The following SLC34A1 variants were observed in gnomAD, a reference collection of about 807,000 sequenced individuals.
The protein encoded by SLC34A1 is solute carrier family 34 member 1, also known as sodium-dependent phosphate transport protein 2A.
Under a neutral mutation model 51.4 loss-of-function variants are expected in SLC34A1, and 57 were observed. That is an observed-to-expected ratio of 1.11 (90% confidence interval 0.90 to 1.38). SLC34A1 has a LOEUF of 1.38. SLC34A1 is among the 40% of genes most tolerant of loss of function. SLC34A1 has a pLI of 0.00. For synonymous variants in SLC34A1, 368 were observed against 358.0 expected (o/e 1.03, Z -0.32); for missense variants, 796 against 835.6 (o/e 0.95, Z 0.58).
rs1330185739 is a variant in SLC34A1, at chr5:177,388,012, G to A, written c.663G>A (p.Thr221=). Residue 221 remains threonine, a synonymous_variant, in exon 7 of 13, where the codon ACG becomes ACA. Coordinates refer to ENST00000324417, the MANE Select transcript of SLC34A1 (RefSeq NM_003052.5). The surrounding 1 kb of genome is among the most constrained non-coding windows in gnomAD (Gnocchi z 4.3). The part of the protein sequence containing the change: ...TDFRRAFAGA[T]VHDCFNWLSV... ...TGCCCAGGGCCTTCGCGGGGGCCAC[G>A]GTGCATGACTGCTTTAACTGGCTGT... 1.1e-5 allele frequency: 17 copies of A among 1,613,022 alleles called. No individual in the cohort carries two copies. The highest frequency in any genetic ancestry group is 4.5e-5 in the East Asian group (2 of 44,856).
In SLC34A1 at chr5:177,394,114, T is replaced by C. The variant is rs753668904; in HGVS notation, c.1093T>C (p.Cys365Arg). 3.7e-6 allele frequency: 6 copies of C among 1,613,862 alleles called. No homozygotes were observed. The African/African-American group carries it at 6.7e-5, about 18-fold the overall frequency. The change falls in exon 10 of 13, where the codon TGC becomes CGC. Residue 365 changes from cysteine (C) to arginine (R), a missense_variant. Cys to Arg is a radical substitution (Grantham distance 180, BLOSUM62 -3). Coordinates refer to ENST00000324417, the MANE Select transcript of SLC34A1 (RefSeq NM_003052.5). ...AGGATCCCTGGTGCTGCTGTGCACCTGCCTCATCCTCCTAGTCAAGATGCT... is the reference window on the plus strand; with the variant it reads ...AGGATCCCTGGTGCTGCTGTGCACCCGCCTCATCCTCCTAGTCAAGATGCT... Reference protein sequence around the residue: ...LAGSLVLLCTCLILLVKMLNS... With the variant: ...LAGSLVLLCTRLILLVKMLNS...
At chr5:177,392,369 G>A (rs574921126) in intron 8 of SLC34A1, among the ~76,000 whole-genome samples, 4 of 152,220 alleles carry the variant, frequency 2.6e-5, no homozygotes, top group African/African-American at 4.8e-5. Flanking sequence ...AGGTGGAAGC[G>A]GGAGAATCGC....
intron 6 of SLC34A1, 49 bp from the exon 7 acceptor site, chr5:177,387,945 G>T (rs369248318): frequency 4.1e-5 from 66 of 1,610,724 alleles, no homozygotes; most frequent in African/African-American, 3.7e-4. Flanking sequence ...CCCCAGGCGT[G>T]ACTGTGCACT....
chr5:177,394,688 CTTTTTTTT>C (rs34736156), intron 10 of SLC34A1, among the ~76,000 whole-genome samples: 225 of 105,094 alleles, frequency 2.1e-3, no homozygotes, highest in African/African-American at 8.4e-3. Context: ...GAGACTTTGT[CTTTTTTTT>C]TTTTTTTTTT....
At chr5:177,385,928 G>T in intron 2 of SLC34A1, 59 bp from the exon 3 acceptor site, 2 of 1,610,166 alleles carry the variant, frequency 1.2e-6, no homozygotes, top group South Asian at 2.2e-5. Context: ...TCCCCCGCCT[G>T]TTCCTCCCCG....
intron 12 of SLC34A1, chr5:177,397,512 T>A: frequency 1.8e-6 from 1 of 570,238 alleles, no homozygotes. Context: ...TGGCAGTATC[T>A]GCTGGGGGAT....
Position 177,388,882 on chromosome 5 carries a change from C to G in SLC34A1, c.936+510C>G, listed in dbSNP as rs924312166. ...TTATCCTACCATGTCAGGGCCTGAG[C>G]ACCCTAGAGGGGTTAGTGACTCAGC... On this transcript the variant is annotated intron_variant, in intron 8 of 12. Coordinates refer to ENST00000324417, the MANE Select transcript of SLC34A1 (RefSeq NM_003052.5). The surrounding 1 kb of genome is among the most constrained non-coding windows in gnomAD (Gnocchi z 4.3). Among the ~76,000 whole-genome samples, 4 of 152,122 alleles carry G rather than the reference C, an allele frequency of 2.6e-5. No individual in the cohort carries two copies. The highest frequency in any genetic ancestry group is 5.9e-5 in the Non-Finnish European group (4 of 68,014).
Position 177,388,080 on chromosome 5 carries a change from T to G in SLC34A1, c.731T>G (p.Leu244Arg). ...CCCCTGGAGGCTGCCACTGGCTACC[T>G]GCACCACATCACTCGACTTGTGGTG... ...LLPLEAATGY[L>R]HHITRLVVAS... The change falls in exon 7 of 13, where the codon CTG (leucine) becomes CGG (arginine). Residue 244 changes from leucine to arginine, a missense_variant. Leu to Arg is a moderately radical substitution (Grantham distance 102, BLOSUM62 -2). Transcript: ENST00000324417. This position sits in a 1 kb window ranked among gnomAD's most constrained non-coding sequence, Gnocchi z 4.3. The G allele has an allele frequency of 6.2e-7, 1 of 1,614,080 alleles. No homozygotes were observed. The highest frequency in any genetic ancestry group is 8.5e-7 in the Non-Finnish European group (1 of 1,179,998).
At position 177,387,765 on chromosome 5, in the gene SLC34A1, T is replaced by C. The variant is rs142772770; in HGVS notation, c.536T>C (p.Leu179Pro). ...AGGACGTCTTCTCTTCTACCAGTGC[T>C]GGAGGTGAGCTCTGCCATCCCCATC... The part of the protein sequence containing the change: ...IIVSMVSSGL[L>P]EVSSAIPIIM... Residue 179 changes from leucine to proline, a missense_variant, in exon 6 of 13, where the codon CTG (leucine) becomes CCG (proline). Coordinates refer to ENST00000324417, the MANE Select transcript of SLC34A1 (RefSeq NM_003052.5). The C allele has an allele frequency of 3.8e-5, 61 of 1,613,428 alleles. No homozygotes were observed. Among genetic ancestry groups the C allele is most frequent in the Non-Finnish European group, 4.8e-5 (57 of 1,179,624 alleles).
At position 177,398,549 on chromosome 5, in the gene SLC34A1, C is replaced by T. The variant is rs1763046297; in HGVS notation, c.*263C>T. ...GCCCATGCAGGTGTACACAGACACA[C>T]CTGTGGGAGGCTGTGTGCAGGCTGC... On this transcript the variant is annotated 3_prime_UTR_variant, in exon 13 of 13. Coordinates refer to ENST00000324417, the MANE Select transcript of SLC34A1 (RefSeq NM_003052.5). The surrounding 1 kb of genome is among the most constrained non-coding windows in gnomAD (Gnocchi z 4.7). The T allele has an allele frequency of 1.0e-5, 6 of 575,868 alleles. No homozygotes were observed. Among genetic ancestry groups the T allele is most frequent in the Non-Finnish European group, 1.9e-5 (6 of 317,708 alleles). The allele number at this position is 575,868 out of a possible 1,614,324, so 35.7% of individuals were successfully genotyped here.
intron 10 of SLC34A1, among the ~76,000 whole-genome samples, chr5:177,394,495 A>G (rs1045046533): frequency 1.3e-5 from 2 of 152,202 alleles, no homozygotes; most frequent in African/African-American, 2.4e-5. Flanking sequence ...CCAGGTATAC[A>G]GAGGTGAGAC....
At chr5:177,390,113 G>A (rs1193146295) in intron 8 of SLC34A1, 10 of 1,086,390 alleles carry the variant, frequency 9.2e-6, no homozygotes, top group South Asian at 5.6e-5. Context: ...GAGTCTCCCC[G>A]TGCTCCCTTC....
Position 177,388,130 on chromosome 5 carries a change from C to G in SLC34A1, c.781C>G (p.Arg261Gly). 6.2e-7 allele frequency: 1 copy of G among 1,614,106 alleles called. No individual in the cohort carries two copies. Among genetic ancestry groups the G allele is most frequent in the Non-Finnish European group, 8.5e-7 (1 of 1,179,998 alleles). ...VVASFNIHGGRDAPDLLKIIT... is the reference protein window; with the variant it reads ...VVASFNIHGGGDAPDLLKIIT... ...GGCCTCCTTCAACATCCATGGTGGCCGTGATGCTCCTGACCTGCTCAAGAT... is the reference window on the plus strand; with the variant it reads ...GGCCTCCTTCAACATCCATGGTGGCGGTGATGCTCCTGACCTGCTCAAGAT... Residue 261 changes from arginine (R) to glycine (G), a missense_variant, in exon 7 of 13, where the codon CGT (arginine) becomes GGT (glycine). Physicochemically the swap from Arg to Gly is moderately radical, Grantham distance 125. Transcript: ENST00000324417. This position sits in a 1 kb window ranked among gnomAD's most constrained non-coding sequence, Gnocchi z 4.3.
intron 8 of SLC34A1, among the ~76,000 whole-genome samples, chr5:177,391,548 T>G (rs1364890218): frequency 6.6e-6 from 1 of 152,194 alleles, no homozygotes; most frequent in Non-Finnish European, 1.5e-5. Flanking sequence ...AGGGGTTGTC[T>G]GCTACCTCAG....
intron 9 of SLC34A1, 22 bp downstream of exon 9, chr5:177,393,785 GGTGTCCT>G (rs769209887): frequency 1.2e-6 from 2 of 1,613,280 alleles, no homozygotes; most frequent in East Asian, 2.2e-5. Flanking sequence ...CAACATGGGA[GGTGTCCT>G]GCATGGCAGG....
Position 177,396,982 on chromosome 5 carries a change from C to A in SLC34A1, c.1324C>A (p.Pro442Thr), listed in dbSNP as rs774934910. The A allele has an allele frequency of 2.5e-6, 4 of 1,614,152 alleles. No individual in the cohort carries two copies. The highest frequency in any genetic ancestry group is 3.4e-6 in the Non-Finnish European group (4 of 1,180,022). The change falls in exon 12 of 13, where the codon CCG becomes ACG. Residue 442 changes from proline to threonine, a missense_variant. Coordinates refer to ENST00000324417, the MANE Select transcript of SLC34A1 (RefSeq NM_003052.5). This position sits in a 1 kb window ranked among gnomAD's most constrained non-coding sequence, Gnocchi z 4.0. ...TGTGATCAGCATTGAGAGGGCCTAC[C>A]CGCTCACACTGGGTTCCAACATCGG... ...LGVISIERAYPLTLGSNIGTT... is the reference protein window; with the variant it reads ...LGVISIERAYTLTLGSNIGTT...
rs890832967 is a variant in SLC34A1 at position 177,396,718 on chromosome 5, G to A, written c.1175-15G>A. ...CGCTCTGACCCCAGCCTGCTGGGATGCGGTTTCCTTGCAGACTTCCCTGCC... is the reference window on the plus strand; with the variant it reads ...CGCTCTGACCCCAGCCTGCTGGGATACGGTTTCCTTGCAGACTTCCCTGCC... On this transcript the variant is annotated splice_polypyrimidine_tract_variant and intron_variant, in intron 10 of 12. Coordinates refer to ENST00000324417, the MANE Select transcript of SLC34A1 (RefSeq NM_003052.5). The surrounding 1 kb of genome is among the most constrained non-coding windows in gnomAD (Gnocchi z 4.0). 6.2e-7 allele frequency: 1 copy of A among 1,612,266 alleles called. No individual in the cohort carries two copies. The highest frequency in any genetic ancestry group is 8.5e-7 in the Non-Finnish European group (1 of 1,178,298).
At chr5:177,385,044 C>T (rs1400725549) in intron 1 of SLC34A1, among the ~76,000 whole-genome samples, 1 of 152,136 alleles carries the variant, frequency 6.6e-6, no homozygotes, top group African/African-American at 2.4e-5. Context: ...GCAAGCCTGT[C>T]AGTGTTTGTT....
intron 12 of SLC34A1, chr5:177,397,558 G>T: frequency 1.6e-6 from 1 of 620,184 alleles, no homozygotes; most frequent in East Asian, 2.8e-5. Flanking sequence ...AATGTGGGGA[G>T]CTCAGGGCAG....
Sources: gnomAD v4.1 joint callset for allele counts (sites outside exome capture counted in the v4.1 genomes callset) on GRCh38, gnomAD v4.1.1 for gene constraint, Gnocchi (gnomAD v3.1) non-coding constraint, MANE v1.5 for transcripts, NCBI Gene and HGNC (gene_info 2026-07-23, HGNC 2026-07-21) for gene names.